Variants in FAM151B observed in about 807,000 individuals in gnomAD.
FAM151B encodes protein FAM151B.
In FAM151B, 24 loss-of-function variants were observed where a neutral mutation model predicts 31.2. The ratio of observed to expected loss-of-function variants is 0.77; its 90% CI spans 0.56 to 1.08. The LOEUF (loss-of-function observed/expected upper bound fraction) is 1.08. Among genes scored for constraint, FAM151B ranks in the 50% least tolerant of loss-of-function variants. The pLI is 0.00. For missense variants in FAM151B, 293 were observed against 328.6 expected, an observed-to-expected ratio of 0.89 and a Z score of 0.84; for synonymous variants, 105 against 111.4, an observed-to-expected ratio of 0.94 and a Z score of 0.36.
chr5:80,532,654 A>G (rs938604825), intron 5 of FAM151B, among the ~76,000 whole-genome samples: 2 of 152,230 alleles, frequency 1.3e-5, no homozygotes, highest in African/African-American at 4.8e-5. Context: ...AAATGCATCT[A>G]ACAGATATTT....
rs78637481 is a variant in FAM151B at position 80,498,525 on chromosome 5, G to A, written c.26-3267G>A. On this transcript the variant is annotated intron_variant, in intron 1 of 5. Transcript: ENST00000282226. ...AGCTCATGTCTTTTATTAACTCATAGACAATTACTTGTCTTCTGGTTTGTT... is the reference window on the plus strand; with the variant it reads ...AGCTCATGTCTTTTATTAACTCATAAACAATTACTTGTCTTCTGGTTTGTT... 4.0e-3 allele frequency: 3,815 copies of A among 961,184 alleles called. 66 individuals are homozygous for A. The African/African-American group carries it at 0.044, about 11-fold the overall frequency. 59.5% of individuals were successfully genotyped at this position (961,184 alleles called of 1,614,324 possible). A position where few individuals can be genotyped will look rare whatever the true frequency, so the allele number is the denominator to read the frequency against.
intron 4 of FAM151B, among the ~76,000 whole-genome samples, chr5:80,520,753 A>G (rs1464124868): frequency 6.8e-6 from 1 of 147,820 alleles, no homozygotes; most frequent in Non-Finnish European, 1.5e-5. Context: ...TATTCTCTAT[A>G]TATACATAGA....
Position 80,507,709 on chromosome 5 carries a change from T to C in FAM151B, c.151+5792T>C, listed in dbSNP as rs571944092. The stretch of plus-strand genomic sequence containing the variant: ...ACAAACAAACAAAAAACAGATCCAT[T>C]TGGAGAAAGGGGTGCTATTTATTGG... On this transcript the variant is annotated intron_variant, in intron 2 of 5. Coordinates refer to ENST00000282226, the MANE Select transcript of FAM151B (RefSeq NM_205548.3). Among the ~76,000 whole-genome samples, 47 of 152,146 alleles carry C rather than the reference T, an allele frequency of 3.1e-4. No individual in the cohort carries two copies. In the South Asian group the frequency reaches 8.1e-3, roughly 26 times the overall value.
Position 80,522,094 on chromosome 5 carries a change from G to C in FAM151B, c.627G>C (p.Arg209Ser). The C allele has an allele frequency of 6.2e-7, 1 of 1,613,110 alleles. No individual in the cohort carries two copies. Among genetic ancestry groups the C allele is most frequent in the Non-Finnish European group, 8.5e-7 (1 of 1,179,290 alleles). The change falls in exon 5 of 6, where the codon AGG (arginine) becomes AGC (serine). Residue 209 changes from arginine (R) to serine (S), a missense_variant. Arg to Ser is a moderately radical substitution (Grantham distance 110). Coordinates refer to ENST00000282226, the MANE Select transcript of FAM151B (RefSeq NM_205548.3). ...TCCCTGTCAGAGCAGCATTAGTCAG[G>C]CAGTCTTGTTCTCAGTTACTTTGGC... ...VTFPVRAALV[R>S]QSCSQLLWLL...
chr5:80,492,178 T>G (rs1489372068), intron 1 of FAM151B, among the ~76,000 whole-genome samples: 1 of 152,184 alleles, frequency 6.6e-6, no homozygotes, highest in Admixed American at 6.5e-5. Context: ...TAATCCTTTT[T>G]TTTTTTCCCA....
intron 5 of FAM151B, among the ~76,000 whole-genome samples, chr5:80,538,434 T>TTCTTTCTTTCTTTCTC (rs1745650998): frequency 1.7e-5 from 1 of 57,510 alleles, no homozygotes; most frequent in Admixed American, 1.9e-4. Flanking sequence ...CTTTCTTTCT[T>TTCTTTCTTTCTTTCTC]TCTTTCTTTC....
Position 80,501,871 on chromosome 5 carries a change from G to A in FAM151B, c.105G>A (p.Trp35Ter), listed in dbSNP as rs149355931. 446 of 1,604,772 alleles carry A rather than the reference G, an allele frequency of 2.8e-4. No individual in the cohort carries two copies. The highest frequency in any genetic ancestry group is 7.1e-4 in the Admixed American group (42 of 59,208). ...ITAEDGAEIT[W>*]YHAANHKAQT... Reference sequence around the variant, plus strand: ...CAGAAGACGGTGCTGAGATCACCTGGTATCATGCAGCTAACCACAAGGCAC... The same window carrying A: ...CAGAAGACGGTGCTGAGATCACCTGATATCATGCAGCTAACCACAAGGCAC... Residue 35 changes from tryptophan to a stop codon, truncating the protein, a stop_gained, in exon 2 of 6, where the codon TGG (tryptophan) becomes TGA (stop). Coordinates refer to ENST00000282226, the MANE Select transcript of FAM151B (RefSeq NM_205548.3). LOFTEE classifies it high-confidence loss of function.
intron 3 of FAM151B, among the ~76,000 whole-genome samples, chr5:80,515,851 C>T (rs1248608157): frequency 2.0e-5 from 3 of 152,080 alleles, no homozygotes; most frequent in Non-Finnish European, 4.4e-5. Flanking sequence ...CTGAGGAGCC[C>T]GCTTGTCACG....
chr5:80,534,047 T>C (rs185351483), intron 5 of FAM151B, among the ~76,000 whole-genome samples: 32 of 152,066 alleles, frequency 2.1e-4, no homozygotes, highest in Admixed American at 3.3e-4. Flanking sequence ...AACCAACCAA[T>C]ATTGAACCAT....
At chr5:80,531,574 G>A (rs972350887) in intron 5 of FAM151B, among the ~76,000 whole-genome samples, 16 of 152,258 alleles carry the variant, frequency 1.1e-4, no homozygotes, top group South Asian at 2.1e-4. Flanking sequence ...AAAAGTGGGC[G>A]AAGGATATGA....
chr5:80,488,221 T>G, intron 1 of FAM151B, 73 bp downstream of exon 1: 1 of 1,489,928 alleles, frequency 6.7e-7, no homozygotes, highest in Non-Finnish European at 9.0e-7. Context: ...TACCCTCCCT[T>G]TGCGGGCTCC....
At chr5:80,536,170 T>A (rs571991612) in intron 5 of FAM151B, among the ~76,000 whole-genome samples, 1 of 152,060 alleles carries the variant, frequency 6.6e-6, no homozygotes, top group Non-Finnish European at 1.5e-5. Context: ...AGTTTTGTTT[T>A]GTTTTGTTTT....
intron 1 of FAM151B, among the ~76,000 whole-genome samples, chr5:80,490,053 T>C (rs773708154): frequency 0.085 from 4,339 of 50,768 alleles, 106 homozygotes; most frequent in Non-Finnish European, 0.15. Context: ...CACACACACA[T>C]TCTCAACATA....
intron 5 of FAM151B, 149 bp downstream of exon 5, chr5:80,522,287 C>T (rs1744756104): frequency 1.4e-6 from 1 of 728,072 alleles, no homozygotes. Flanking sequence ...GCACAGACTC[C>T]CTCACCGGAT....
chr5:80,538,916 A>G (rs1258569804), intron 5 of FAM151B, among the ~76,000 whole-genome samples: 1 of 151,660 alleles, frequency 6.6e-6, no homozygotes, highest in African/African-American at 2.4e-5. Flanking sequence ...TTTTAAAACA[A>G]AAGATGTTAT....
chr5:80,503,127 A>G (rs1743811392), intron 2 of FAM151B, among the ~76,000 whole-genome samples: 2 of 152,248 alleles, frequency 1.3e-5, no homozygotes, highest in Non-Finnish European at 2.9e-5. Flanking sequence ...ATTTTATAGT[A>G]TGTAAATTAT....
At chr5:80,538,448 C>CTT (rs1235874356) in intron 5 of FAM151B, among the ~76,000 whole-genome samples, 3,359 of 48,472 alleles carry the variant, frequency 0.069, 468 homozygotes, top group East Asian at 0.099. Flanking sequence ...TTCTTTCTTT[C>CTT]TCTTTCTTTC....
Position 80,505,683 on chromosome 5 carries a change from C to T in FAM151B, c.151+3766C>T, listed in dbSNP as rs1003083610. On this transcript the variant is annotated intron_variant, in intron 2 of 5. Coordinates refer to ENST00000282226, the MANE Select transcript of FAM151B (RefSeq NM_205548.3). ...TGCTGGGATTACAGGCGTGAGCCAC[C>T]GCACCCAGCCACATCCATTGAGTTC... is the stretch of plus-strand genomic sequence containing the variant. Among the ~76,000 whole-genome samples, 16 of 151,804 alleles carry T rather than the reference C, an allele frequency of 1.1e-4. No homozygotes were observed. In the East Asian group the frequency reaches 1.9e-3, roughly 18 times the overall value.
At chr5:80,530,213 C>T (rs368500775) in intron 5 of FAM151B, among the ~76,000 whole-genome samples, 1 of 151,806 alleles carries the variant, frequency 6.6e-6, no homozygotes, top group Non-Finnish European at 1.5e-5. Flanking sequence ...TCTCAATAAA[C>T]TAGGTATTGA....
Sources: allele counts gnomAD v4.1 joint callset (sites outside exome capture counted in the v4.1 genomes callset), GRCh38; gene constraint gnomAD v4.1.1; transcripts MANE v1.5; gene names NCBI Gene and HGNC (gene_info 2026-07-23, HGNC 2026-07-21).